The following SYT6 variants were observed in gnomAD, a reference collection of about 807,000 sequenced individuals.
SYT6 encodes synaptotagmin 6.
In SYT6, 24 loss-of-function variants were observed where a neutral mutation model predicts 38.4. The ratio of observed to expected loss-of-function variants is 0.62; its 90% CI spans 0.45 to 0.88. The LOEUF (loss-of-function observed/expected upper bound fraction) is 0.88. SYT6 is among the 40% of genes least tolerant of loss of function. The pLI, the probability that SYT6 is intolerant of heterozygous loss-of-function variation, is 0.00. For missense variants in SYT6, 611 were observed against 621.0 expected (o/e 0.98, Z 0.17); for synonymous variants, 265 against 241.9 (o/e 1.10, Z -0.89).
intron 4 of SYT6, among the ~76,000 whole-genome samples, chr1:114,100,597 G>A (rs1283364169): frequency 6.6e-6 from 1 of 152,026 alleles, no homozygotes; most frequent in Non-Finnish European, 1.5e-5. Flanking sequence ...GATGAGGTTG[G>A]GTTTATGGAG....
chr1:114,116,342 C>T (rs545193148), intron 3 of SYT6, among the ~76,000 whole-genome samples: 12 of 152,254 alleles, frequency 7.9e-5, no homozygotes, highest in South Asian at 2.1e-4. Flanking sequence ...GTCCCCAACG[C>T]GGCAGTTCAG....
At chr1:114,100,587 G>C (rs1571821602) in intron 4 of SYT6, among the ~76,000 whole-genome samples, 1 of 152,372 alleles carries the variant, frequency 6.6e-6, no homozygotes. Context: ...ACCATGGGGA[G>C]ATGAGGTTGG....
At chr1:114,092,136 A>T in intron 7 of SYT6, 54 bp from the exon 8 acceptor site, 1 of 1,499,462 alleles carries the variant, frequency 6.7e-7, no homozygotes, top group Non-Finnish European at 9.0e-7. Flanking sequence ...TTACATTTCA[A>T]CTTGCAAAAC....
At chr1:114,132,100 G>A (rs1478990351) in intron 3 of SYT6, among the ~76,000 whole-genome samples, 2 of 152,190 alleles carry the variant, frequency 1.3e-5, no homozygotes, top group African/African-American at 2.4e-5. Flanking sequence ...TTACATATGG[G>A]GGATGACCAT....
In SYT6 at chr1:114,113,021, A is replaced by G. The variant is rs928012197; in HGVS notation, c.1072-9300T>C. Among the ~76,000 whole-genome samples, 6 of 152,178 alleles carry G rather than the reference A, an allele frequency of 3.9e-5. 1 individual carries two copies. In the South Asian group the frequency reaches 1.2e-3, roughly 32 times the overall value. ...AACAAGTGCCCTGAGGGGGATGCCA[A>G]ATAGGCAGGGCTTTGGTCTCAGCCA... On this transcript the variant is annotated intron_variant, in intron 3 of 7. Coordinates refer to ENST00000610222, the MANE Select transcript of SYT6 (RefSeq NM_001253772.2).
chr1:114,129,612 CTTTCCTTT>C (rs376434907), intron 3 of SYT6, among the ~76,000 whole-genome samples: 3,664 of 60,890 alleles, frequency 0.06, 48 homozygotes, highest in Non-Finnish European at 0.071. Flanking sequence ...TTCTTTCTTT[CTTTCCTTT>C]CTTTCTTTCT....
At chr1:114,115,401 C>T (rs1676931977) in intron 3 of SYT6, among the ~76,000 whole-genome samples, 2 of 151,304 alleles carry the variant, frequency 1.3e-5, no homozygotes, top group Admixed American at 6.6e-5. Flanking sequence ...AGTTTGTAGG[C>T]ACTATGTTGG....
At chr1:114,095,848 G>C (rs926615403) in intron 6 of SYT6, among the ~76,000 whole-genome samples, 3 of 152,020 alleles carry the variant, frequency 2.0e-5, no homozygotes, top group African/African-American at 7.2e-5. Context: ...TTTTAGTAGA[G>C]ACGGGGTTTC....
chr1:114,152,305 C>A (rs1271534181), intron 1 of SYT6: 3 of 152,418 alleles, frequency 2.0e-5, no homozygotes, highest in Non-Finnish European at 2.9e-5. Flanking sequence ...CCCTTTCTCC[C>A]CTTCCCGCGC....
intron 6 of SYT6, among the ~76,000 whole-genome samples, chr1:114,097,115 A>G (rs1675683921): frequency 6.6e-6 from 1 of 152,232 alleles, no homozygotes; most frequent in South Asian, 2.1e-4. Flanking sequence ...TTGCAGCCCA[A>G]GTCTTGGGAC....
chr1:114,107,343 C>A (rs554629047), intron 3 of SYT6, among the ~76,000 whole-genome samples: 1 of 152,218 alleles, frequency 6.6e-6, no homozygotes, highest in Non-Finnish European at 1.5e-5. Flanking sequence ...CTCATAGGAC[C>A]GTGGCAGCTG....
At chr1:114,138,579 A>G (rs1022247081) in intron 2 of SYT6, among the ~76,000 whole-genome samples, 3 of 152,230 alleles carry the variant, frequency 2.0e-5, no homozygotes, top group African/African-American at 7.2e-5. Flanking sequence ...TCTAGCTGAG[A>G]TCTTGGGAAA....
At chr1:114,115,352 T>C (rs1676930103) in intron 3 of SYT6, among the ~76,000 whole-genome samples, 1 of 152,168 alleles carries the variant, frequency 6.6e-6, no homozygotes. Context: ...AAAGCCAAAG[T>C]CAAGAGAGGA....
chr1:114,136,547 C>T (rs776084405), intron 3 of SYT6, among the ~76,000 whole-genome samples: 7 of 152,156 alleles, frequency 4.6e-5, no homozygotes, highest in East Asian at 3.9e-4. Flanking sequence ...TATGCCAGAC[C>T]GAAGGGCTCC....
intron 2 of SYT6, 97 bp from the exon 3 acceptor site, chr1:114,138,150 T>G: frequency 8.2e-7 from 1 of 1,214,436 alleles, no homozygotes; most frequent in Non-Finnish European, 1.1e-6. Context: ...GCTCATCTTA[T>G]CCCTTGTTGA....
At position 114,090,198 on chromosome 1, in the gene SYT6, C is replaced by T. The variant is rs781169181; in HGVS notation, c.*1936G>A. ...TCTAGAGTCAGAATCATAATGAAGT[C>T]TGTCACCTGCCAGGAATCTTGTCAT... On this transcript the variant is annotated 3_prime_UTR_variant, in exon 8 of 8. Transcript: ENST00000610222. 5 of 152,360 alleles carry T rather than the reference C, an allele frequency of 3.3e-5. No individual in the cohort carries two copies. The highest frequency in any genetic ancestry group is 7.2e-5 in the African/African-American group (3 of 41,462). 9.4% of individuals were successfully genotyped at this position (152,360 alleles called of 1,614,324 possible).
chr1:114,099,654 T>C (rs1012120435), intron 4 of SYT6, among the ~76,000 whole-genome samples: 5 of 152,208 alleles, frequency 3.3e-5, no homozygotes, highest in African/African-American at 1.2e-4. Flanking sequence ...CTTTTACCTA[T>C]GTGGAGTACT....
At chr1:114,114,723 C>T (rs1022584201) in intron 3 of SYT6, among the ~76,000 whole-genome samples, 9 of 152,180 alleles carry the variant, frequency 5.9e-5, no homozygotes, top group African/African-American at 7.2e-5. Flanking sequence ...TGATATAAGG[C>T]GAGAGATTCT....
chr1:114,120,101 T>C (rs957173548), intron 3 of SYT6, among the ~76,000 whole-genome samples: 2 of 151,862 alleles, frequency 1.3e-5, no homozygotes, highest in South Asian at 4.2e-4. Context: ...CTTTTAAAGA[T>C]TCTCATGTAT....
Sources: allele counts gnomAD v4.1 joint callset (sites outside exome capture counted in the v4.1 genomes callset), GRCh38; gene constraint gnomAD v4.1.1; transcripts MANE v1.5; gene names NCBI Gene and HGNC (gene_info 2026-07-23, HGNC 2026-07-21).